Variants in PPHLN1 observed in about 807,000 individuals in gnomAD.
The protein encoded by PPHLN1 is periphilin 1.
PPHLN1 carries 29 observed loss-of-function variants against 51.3 expected under a neutral mutation model. That is an observed-to-expected ratio of 0.57 (90% confidence interval 0.42 to 0.77). The LOEUF (loss-of-function observed/expected upper bound fraction) is 0.77, where lower values mean the gene tolerates loss of function less well. PPHLN1 is among the 30% of genes least tolerant of loss of function. The pLI, the probability that PPHLN1 is intolerant of heterozygous loss-of-function variation, is 0.00. For missense variants in PPHLN1, 436 were observed against 438.4 expected (o/e 0.99, Z 0.05); for synonymous variants, 147 against 147.8 (o/e 0.99, Z 0.04).
downstream of PPHLN1, chr12:42,442,569 C>A (rs954354552): frequency 6.3e-7 from 1 of 1,595,984 alleles, no homozygotes; most frequent in Non-Finnish European, 8.5e-7. Flanking sequence ...GCGCTAAAGC[C>A]GGCAGTCCCC....
Position 42,441,538 on chromosome 12 carries a change from A to T in PPHLN1, c.*29A>T, listed in dbSNP as rs372926954. 794 of 1,522,400 alleles carry T rather than the reference A, an allele frequency of 5.2e-4. 1 individual carries two copies. The highest frequency in any genetic ancestry group is 6.5e-4 in the Non-Finnish European group (743 of 1,140,206). 94.3% of individuals were successfully genotyped at this position (1,522,400 alleles called of 1,614,324 possible). A position where few individuals can be genotyped will look rare whatever the true frequency, so the allele number is the denominator to read the frequency against. On this transcript the variant is annotated 3_prime_UTR_variant, in exon 10 of 10. Transcript: ENST00000358314. ...TTTCTGCTCAGGCTAAAAAAAAAAA[A>T]AAACAGTTTCTAAAAATTTTTTTTC...
chr12:42,378,606 T>G (rs927673415), intron 5 of PPHLN1, among the ~76,000 whole-genome samples: 4 of 152,136 alleles, frequency 2.6e-5, no homozygotes, highest in Non-Finnish European at 5.9e-5. Context: ...AAAAATTAAT[T>G]TTTTCCTTTT....
At chr12:42,432,456 G>A (rs527979294) in intron 9 of PPHLN1, among the ~76,000 whole-genome samples, 2 of 152,258 alleles carry the variant, frequency 1.3e-5, no homozygotes, top group East Asian at 1.9e-4. Flanking sequence ...TCTTCTCTGG[G>A]TAGTTTATTT....
chr12:42,388,694 G>A (rs1305186625), intron 7 of PPHLN1, among the ~76,000 whole-genome samples: 3 of 152,182 alleles, frequency 2.0e-5, no homozygotes, highest in Non-Finnish European at 4.4e-5. Flanking sequence ...AGGTGTGGAG[G>A]GGCAGGCCAC....
intron 5 of PPHLN1, among the ~76,000 whole-genome samples, chr12:42,381,573 C>A (rs889100397): frequency 2.6e-5 from 4 of 152,192 alleles, no homozygotes; most frequent in South Asian, 2.1e-4. Flanking sequence ...AGAGGTGATG[C>A]AATGCTTTCT....
intron 9 of PPHLN1, among the ~76,000 whole-genome samples, chr12:42,404,795 T>C (rs1286966651): frequency 1.3e-5 from 2 of 152,188 alleles, no homozygotes; most frequent in Admixed American, 6.5e-5. Flanking sequence ...TTTGGGAGGC[T>C]GAAGCAGGCG....
intron 9 of PPHLN1, among the ~76,000 whole-genome samples, chr12:42,415,417 C>T (rs907220709): frequency 1.3e-5 from 2 of 152,176 alleles, no homozygotes; most frequent in East Asian, 1.9e-4. Flanking sequence ...ATGATTCACC[C>T]GCCTCGGCCT....
chr12:42,415,429 C>T (rs1305959863), intron 9 of PPHLN1, among the ~76,000 whole-genome samples: 1 of 152,218 alleles, frequency 6.6e-6, no homozygotes. Context: ...CCTCGGCCTC[C>T]CAAAGTGCTG....
intron 2 of PPHLN1, 86 bp downstream of exon 2, chr12:42,336,060 C>A: frequency 1.2e-6 from 1 of 805,952 alleles, no homozygotes; most frequent in South Asian, 3.4e-5. Context: ...TTAACAAAAT[C>A]TTCAAGTGTC....
At chr12:42,374,711 C>T (rs749979281) in intron 4 of PPHLN1, 152 bp from the exon 5 acceptor site, 12 of 587,184 alleles carry the variant, frequency 2.0e-5, no homozygotes, top group Middle Eastern at 4.7e-4. Flanking sequence ...GTCTCGGCCT[C>T]CCAAAGTGCT....
At chr12:42,437,674 TATATTA>T (rs1373930759) in intron 9 of PPHLN1, among the ~76,000 whole-genome samples, 2 of 152,172 alleles carry the variant, frequency 1.3e-5, no homozygotes, top group African/African-American at 4.8e-5. Flanking sequence ...CCAATATTGA[TATATTA>T]ATATTAACTA....
chr12:42,446,479 T>C, downstream of PPHLN1: 4 of 1,395,016 alleles, frequency 2.9e-6, no homozygotes, highest in East Asian at 2.5e-5. Context: ...TGGAAGGATA[T>C]GCAAAAAAAA....
At chr12:42,411,988 C>T (rs1466323782) in intron 9 of PPHLN1, among the ~76,000 whole-genome samples, 2 of 148,748 alleles carry the variant, frequency 1.3e-5, no homozygotes, top group Admixed American at 6.8e-5. Flanking sequence ...AGGCGGATCA[C>T]GAGGTCAGGA....
intron 9 of PPHLN1, among the ~76,000 whole-genome samples, chr12:42,409,616 A>C (rs1047561133): frequency 6.6e-6 from 1 of 152,110 alleles, no homozygotes; most frequent in Non-Finnish European, 1.5e-5. Context: ...CATTTATGGT[A>C]TGTAAATTCC....
chr12:42,396,615 C>CAA lies in PPHLN1; in HGVS notation c.769-2207_769-2206dup, dbSNP rs60131845. On this transcript the variant is annotated intron_variant, in intron 8 of 9. Coordinates refer to ENST00000358314, the MANE Select transcript of PPHLN1 (RefSeq NM_201439.2). The stretch of plus-strand genomic sequence containing the variant: ...GCAATGTAGTAAGGTCTTGTCACTA[C>CAA]AAAAAAAAAAAAAAAAAAAAAAAAA... Among the ~76,000 whole-genome samples the CAA allele has an allele frequency of 1.5e-3, 132 of 85,434 alleles. 8 individuals are homozygous for CAA. Among genetic ancestry groups the CAA allele is most frequent in the African/African-American group, 6.0e-3 (89 of 14,860 alleles). The allele number at this position is 85,434 out of a possible 152,430, so 56.0% of individuals were successfully genotyped here.
At chr12:42,423,505 A>G (rs1276229500) in intron 9 of PPHLN1, among the ~76,000 whole-genome samples, 1 of 152,164 alleles carries the variant, frequency 6.6e-6, no homozygotes, top group Non-Finnish European at 1.5e-5. Flanking sequence ...CTAATTGAAA[A>G]GTCCGTCTCT....
intron 7 of PPHLN1, among the ~76,000 whole-genome samples, chr12:42,388,334 GTTA>G (rs2077375664): frequency 6.6e-6 from 1 of 152,180 alleles, no homozygotes; most frequent in African/African-American, 2.4e-5. Context: ...ATGCTGCTTT[GTTA>G]TTCTTTACTC....
At chr12:42,431,509 A>G (rs1274204972) in intron 9 of PPHLN1, among the ~76,000 whole-genome samples, 1 of 152,204 alleles carries the variant, frequency 6.6e-6, no homozygotes, top group African/African-American at 2.4e-5. Context: ...TGTTTAACAT[A>G]TGATTTATTC....
chr12:42,400,798 T>TCTCACA (rs1372615565), intron 9 of PPHLN1, among the ~76,000 whole-genome samples: 39 of 142,628 alleles, frequency 2.7e-4, no homozygotes, highest in African/African-American at 9.4e-4. Flanking sequence ...TCTCTCTCTT[T>TCTCACA]CACACACACA....
Sources: gnomAD v4.1 joint callset for allele counts (sites outside exome capture counted in the v4.1 genomes callset) on GRCh38, gnomAD v4.1.1 for gene constraint, MANE v1.5 for transcripts, NCBI Gene and HGNC (gene_info 2026-07-23, HGNC 2026-07-21) for gene names.